ETV6: variants seen among roughly 807,000 people sequenced by gnomAD.
ETV6 encodes ETS variant transcription factor 6, also known as transcription factor ETV6.
Under a neutral mutation model 51.1 loss-of-function variants are expected in ETV6, and 16 were observed. That is an observed-to-expected ratio of 0.31 (90% CI 0.21 to 0.48). The LOEUF (loss-of-function observed/expected upper bound fraction) is 0.48. Among genes scored for constraint, ETV6 ranks in the 20% least tolerant of loss-of-function variants. The pLI, the probability that ETV6 is intolerant of heterozygous loss-of-function variation, is 0.99. For missense variants in ETV6, 458 were observed against 594.8 expected, an observed-to-expected ratio of 0.77 and a Z score of 2.39; for synonymous variants, 240 against 224.1, an observed-to-expected ratio of 1.07 and a Z score of -0.64.
At position 11,676,187 on chromosome 12, in the gene ETV6, G is replaced by A. The variant is rs77463528; in HGVS notation, c.33+26027G>A. Among the ~76,000 whole-genome samples the A allele has an allele frequency of 2.0e-5, 3 of 152,310 alleles. No homozygotes were observed. In the East Asian group the frequency reaches 5.8e-4, roughly 29 times the overall value. ...CATTAGAGACTAGAAGCTGCCAAGC[G>A]AGGCAACGTGACAGAGCACACAGCT... On this transcript the variant is annotated intron_variant, in intron 1 of 7. Coordinates refer to ENST00000396373, the MANE Select transcript of ETV6 (RefSeq NM_001987.5).
intron 1 of ETV6, among the ~76,000 whole-genome samples, chr12:11,699,897 T>C (rs1359837919): frequency 1.3e-5 from 2 of 152,222 alleles, no homozygotes; most frequent in Non-Finnish European, 2.9e-5. Flanking sequence ...TAAACTGTTA[T>C]GAATTTGCCT....
chr12:11,786,653 A>AC (rs1419980549), intron 2 of ETV6, among the ~76,000 whole-genome samples: 4 of 152,222 alleles, frequency 2.6e-5, no homozygotes, highest in Non-Finnish European at 5.9e-5. Context: ...GTGATGTTGA[A>AC]CGAGTCACTT....
intron 1 of ETV6, among the ~76,000 whole-genome samples, chr12:11,713,151 A>G (rs1449706628): frequency 6.6e-6 from 1 of 152,208 alleles, no homozygotes; most frequent in African/African-American, 2.4e-5. Flanking sequence ...TTATGTGATC[A>G]TGGGCAAGTG....
At chr12:11,753,510 C>T (rs1286219215) in intron 2 of ETV6, among the ~76,000 whole-genome samples, 1 of 152,218 alleles carries the variant, frequency 6.6e-6, no homozygotes, top group African/African-American at 2.4e-5. Context: ...CTTGAGGTCA[C>T]CTTGGCCCTT....
intron 1 of ETV6, among the ~76,000 whole-genome samples, chr12:11,672,016 AAATG>A (rs1258161403): frequency 6.6e-6 from 1 of 151,256 alleles, no homozygotes; most frequent in African/African-American, 2.4e-5. Context: ...TTTAAGCTGA[AAATG>A]AATGAAGGAT....
intron 2 of ETV6, among the ~76,000 whole-genome samples, chr12:11,789,528 T>C (rs921248503): frequency 6.6e-6 from 1 of 152,112 alleles, no homozygotes; most frequent in African/African-American, 2.4e-5. Flanking sequence ...CGGGTGTGAG[T>C]CCCTTTCCTG....
chr12:11,715,024 G>C (rs1331252923), intron 1 of ETV6, among the ~76,000 whole-genome samples: 5 of 152,088 alleles, frequency 3.3e-5, no homozygotes, highest in Non-Finnish European at 7.3e-5. Flanking sequence ...CAGAGCCGTG[G>C]CAGGGGCAAT....
Position 11,869,992 on chromosome 12 carries a change from G to T in ETV6, c.1009+23G>T. On this transcript the variant is annotated intron_variant, in intron 5 of 7. Coordinates refer to ENST00000396373, the MANE Select transcript of ETV6 (RefSeq NM_001987.5). The surrounding 1 kb of genome is among the most constrained non-coding windows in gnomAD (Gnocchi z 5.0). ...CAGGTGAGTGAGTTCCCCTCTCGCC[G>T]CTCCAGCATCATGGGGACCTGACAA... is the stretch of plus-strand genomic sequence containing the variant. 1 of 1,575,062 alleles carries T rather than the reference G, an allele frequency of 6.3e-7. No individual in the cohort carries two copies. The highest frequency in any genetic ancestry group is 8.6e-7 in the Non-Finnish European group (1 of 1,166,362).
rs930818305 is a variant in ETV6 at position 11,685,347 on chromosome 12, G to T, written c.33+35187G>T. 2.0e-5 allele frequency among the ~76,000 whole-genome samples: 3 copies of T among 147,638 alleles called. No homozygotes were observed. In the East Asian group the frequency reaches 5.9e-4, roughly 29 times the overall value. ...GAAAAAAAAAAAAAAAGGAAAAAAA[G>T]AAATGGAAAATTCAGGCTACTTAAA... On this transcript the variant is annotated intron_variant, in intron 1 of 7. Transcript: ENST00000396373.
intron 2 of ETV6, among the ~76,000 whole-genome samples, chr12:11,833,908 T>C (rs1565544119): frequency 6.6e-6 from 1 of 152,108 alleles, no homozygotes; most frequent in Admixed American, 6.5e-5. Context: ...TTCTCATCTG[T>C]AAAAAAAGAA....
chr12:11,873,822 ATG>A (rs201631079), intron 5 of ETV6, among the ~76,000 whole-genome samples: 1,187 of 111,996 alleles, frequency 0.011, 347 homozygotes, highest in Non-Finnish European at 0.017. Flanking sequence ...AGCACATGAC[ATG>A]TATCTTAGAA....
At chr12:11,870,443 T>C (rs1404496916) in intron 5 of ETV6, among the ~76,000 whole-genome samples, 2 of 152,086 alleles carry the variant, frequency 1.3e-5, no homozygotes, top group African/African-American at 4.8e-5. Flanking sequence ...GATTATGGTA[T>C]TGGAGGCAGG....
intron 2 of ETV6, among the ~76,000 whole-genome samples, chr12:11,827,394 A>G (rs1415912853): frequency 6.6e-6 from 1 of 152,126 alleles, no homozygotes; most frequent in African/African-American, 2.4e-5. Context: ...GTGCAGTGGA[A>G]TTCTCCTTAA....
intron 1 of ETV6, among the ~76,000 whole-genome samples, chr12:11,695,044 C>A (rs1423181540): frequency 1.3e-5 from 2 of 152,098 alleles, no homozygotes; most frequent in Non-Finnish European, 2.9e-5. Context: ...CAAAGGATAC[C>A]GAAGACAGGC....
intron 2 of ETV6, among the ~76,000 whole-genome samples, chr12:11,780,361 A>G (rs184609141): frequency 7.4e-4 from 113 of 152,310 alleles, no homozygotes; most frequent in African/African-American, 2.6e-3. Flanking sequence ...GACAACAGCA[A>G]ATATTCACCT....
At chr12:11,727,188 A>G (rs191825789) in intron 1 of ETV6, among the ~76,000 whole-genome samples, 22 of 152,368 alleles carry the variant, frequency 1.4e-4, no homozygotes, top group African/African-American at 4.3e-4. Flanking sequence ...TTGCATATCT[A>G]TAAACAACCA....
chr12:11,800,740 C>T (rs1945735893), intron 2 of ETV6, among the ~76,000 whole-genome samples: 3 of 151,796 alleles, frequency 2.0e-5, no homozygotes, highest in African/African-American at 7.3e-5. Context: ...AATGAAGTTA[C>T]CCCCCCAGAA....
At chr12:11,821,841 C>G (rs1946085724) in intron 2 of ETV6, among the ~76,000 whole-genome samples, 1 of 152,168 alleles carries the variant, frequency 6.6e-6, no homozygotes, top group African/African-American at 2.4e-5. Flanking sequence ...GAGGGAGATT[C>G]TGTCTCTTAA....
chr12:11,677,294 C>T (rs938469346), intron 1 of ETV6, among the ~76,000 whole-genome samples: 1 of 152,222 alleles, frequency 6.6e-6, no homozygotes, highest in African/African-American at 2.4e-5. Context: ...GCCTCTCTCT[C>T]TGCCAATAAT....
Sources: allele counts gnomAD v4.1 joint callset (sites outside exome capture counted in the v4.1 genomes callset), GRCh38; gene constraint gnomAD v4.1.1; non-coding constraint Gnocchi (gnomAD v3.1); transcripts MANE v1.5; gene names NCBI Gene and HGNC (gene_info 2026-07-23, HGNC 2026-07-21).